SH3D19: variants seen among roughly 807,000 people sequenced by gnomAD.
The protein encoded by SH3D19 is SH3 domain-containing protein 19.
Under a neutral mutation model 112.1 loss-of-function variants are expected in SH3D19, and 58 were observed. The ratio of observed to expected loss-of-function variants is 0.52; its 90% CI spans 0.42 to 0.64. The LOEUF (loss-of-function observed/expected upper bound fraction) is 0.64. SH3D19 is among the 30% of genes least tolerant of loss of function. The probability of loss-of-function intolerance (pLI) is 0.00; values close to 1 mark genes in which losing one functional copy is unlikely to be tolerated. For synonymous variants in SH3D19, 391 were observed against 448.5 expected, an observed-to-expected ratio of 0.87 and a Z score of 1.62; for missense variants, 1,090 against 1,263.4, an observed-to-expected ratio of 0.86 and a Z score of 2.08.
intron 1 of SH3D19, chr4:151,265,943 G>A (rs1337101876): frequency 6.6e-6 from 1 of 151,988 alleles, no homozygotes; most frequent in Non-Finnish European, 1.5e-5. Context: ...TGAGGGAATG[G>A]GAACTATTTT....
At chr4:151,309,949 C>T (rs929682014) in intron 1 of SH3D19, among the ~76,000 whole-genome samples, 19 of 151,998 alleles carry the variant, frequency 1.3e-4, no homozygotes, top group African/African-American at 4.1e-4. Flanking sequence ...GAGATGACAC[C>T]GCTGCCCTCC....
chr4:151,161,220 C>T (rs1757089833), intron 8 of SH3D19, among the ~76,000 whole-genome samples: 1 of 152,068 alleles, frequency 6.6e-6, no homozygotes, highest in African/African-American at 2.4e-5. Context: ...GCCTTGCAGA[C>T]ATCTGGGAAA....
chr4:151,164,794 A>T (rs1013931753), intron 8 of SH3D19, among the ~76,000 whole-genome samples: 2 of 152,030 alleles, frequency 1.3e-5, no homozygotes, highest in African/African-American at 4.8e-5. Flanking sequence ...TGGCCAGGAT[A>T]GTCCTGATCT....
At chr4:151,266,495 G>A (rs1309556764) in intron 1 of SH3D19, among the ~76,000 whole-genome samples, 4 of 152,254 alleles carry the variant, frequency 2.6e-5, no homozygotes, top group South Asian at 4.2e-4. Flanking sequence ...TTAGTTGCTC[G>A]ACTCATATGA....
intron 7 of SH3D19, among the ~76,000 whole-genome samples, chr4:151,174,280 C>A (rs911091628): frequency 4.6e-5 from 7 of 152,306 alleles, no homozygotes; most frequent in African/African-American, 1.4e-4. Flanking sequence ...TGTTCCATAA[C>A]CTCCCTGGAT....
chr4:151,165,251 A>G (rs1049595808), intron 8 of SH3D19, among the ~76,000 whole-genome samples: 4 of 152,130 alleles, frequency 2.6e-5, no homozygotes, highest in Non-Finnish European at 2.9e-5. Flanking sequence ...CTAAGACAGG[A>G]GAATTGCTTG....
At chr4:151,215,832 CTTTTTTTTT>C (rs112932689) in intron 2 of SH3D19, among the ~76,000 whole-genome samples, 1 of 145,802 alleles carries the variant, frequency 6.9e-6, no homozygotes. Context: ...AGGGTTTTAC[CTTTTTTTTT>C]TTTTGACGGA....
chr4:151,270,988 A>G (rs986163244), intron 1 of SH3D19, among the ~76,000 whole-genome samples: 1 of 152,082 alleles, frequency 6.6e-6, no homozygotes, highest in African/African-American at 2.4e-5. Context: ...TAGTGTCCCA[A>G]TCATAGCCCA....
intron 1 of SH3D19, among the ~76,000 whole-genome samples, chr4:151,239,979 T>C (rs1770430725): frequency 6.6e-6 from 1 of 152,172 alleles, no homozygotes; most frequent in South Asian, 2.1e-4. Context: ...TGGAAAAAAC[T>C]CTTGGGTCAG....
intron 2 of SH3D19, among the ~76,000 whole-genome samples, chr4:151,221,150 CA>C (rs1203870942): frequency 6.6e-6 from 1 of 152,184 alleles, no homozygotes; most frequent in East Asian, 1.9e-4. Context: ...GGTGAAAGAA[CA>C]GGCAGACGTC....
chr4:151,270,492 G>A (rs1422490226), intron 1 of SH3D19, among the ~76,000 whole-genome samples: 6 of 152,188 alleles, frequency 3.9e-5, no homozygotes, highest in Non-Finnish European at 8.8e-5. Flanking sequence ...GCAGAACCAT[G>A]AGCCAATTAA....
intron 1 of SH3D19, among the ~76,000 whole-genome samples, chr4:151,313,462 G>T (rs1304550137): frequency 6.6e-6 from 1 of 151,604 alleles, no homozygotes; most frequent in Non-Finnish European, 1.5e-5. Flanking sequence ...TGTCACCCAG[G>T]CTGGAGTGCA....
At chr4:151,223,137 C>T (rs1768384274) in intron 2 of SH3D19, among the ~76,000 whole-genome samples, 1 of 151,632 alleles carries the variant, frequency 6.6e-6, no homozygotes, top group South Asian at 2.1e-4. Flanking sequence ...AAATTTTCCC[C>T]CTTTGCAATT....
intron 2 of SH3D19, among the ~76,000 whole-genome samples, chr4:151,203,678 C>T (rs1244777974): frequency 1.3e-5 from 2 of 152,176 alleles, no homozygotes; most frequent in African/African-American, 4.8e-5. Context: ...CAAATAATAA[C>T]TTTAATCCTA....
At chr4:151,150,248 T>TACACACAC (rs1371811839) in intron 9 of SH3D19, among the ~76,000 whole-genome samples, 3 of 41,088 alleles carry the variant, frequency 7.3e-5, no homozygotes, top group Non-Finnish European at 3.4e-4. Context: ...CATATATATA[T>TACACACAC]ATACACACAT....
chr4:151,284,247 T>G (rs1194506815), intron 1 of SH3D19, among the ~76,000 whole-genome samples: 1 of 152,218 alleles, frequency 6.6e-6, no homozygotes, highest in Non-Finnish European at 1.5e-5. Context: ...TTCACACAAG[T>G]CCATTTTATT....
chr4:151,143,439 GC>G (rs1277614142), intron 12 of SH3D19, among the ~76,000 whole-genome samples: 1 of 152,002 alleles, frequency 6.6e-6, no homozygotes, highest in Non-Finnish European at 1.5e-5. Context: ...TCATATGCCA[GC>G]AGAAGCTACC....
intron 2 of SH3D19, among the ~76,000 whole-genome samples, chr4:151,213,936 A>AG (rs1766430714): frequency 6.6e-6 from 1 of 150,730 alleles, no homozygotes; most frequent in African/African-American, 2.4e-5. Flanking sequence ...GCAGGGTCAT[A>AG]GGACAATAGT....
At position 151,238,570 on chromosome 4, in the gene SH3D19, C is replaced by A. The variant is rs535031461; in HGVS notation, c.113-12484G>T. On this transcript the variant is annotated intron_variant, in intron 1 of 19. Coordinates refer to ENST00000604030, the MANE Select transcript of SH3D19 (RefSeq NM_001378122.1). ...CTGCAAAATGAACAAATATCAGAAA[C>A]TGCTGTAACCAAAAGACTCCTTCAC... Among the ~76,000 whole-genome samples the A allele has an allele frequency of 6.6e-5, 10 of 152,192 alleles. 1 individual carries two copies. In the South Asian group the frequency reaches 2.1e-3, roughly 32 times the overall value.
Sources: allele counts gnomAD v4.1 joint callset (sites outside exome capture counted in the v4.1 genomes callset), GRCh38; gene constraint gnomAD v4.1.1; transcripts MANE v1.5; gene names NCBI Gene and HGNC (gene_info 2026-07-23, HGNC 2026-07-21).